ABCA6: variants seen among roughly 807,000 people sequenced by gnomAD.
ABCA6 encodes the protein ATP binding cassette subfamily A member 6.
In ABCA6, 164 loss-of-function variants were observed where a neutral mutation model predicts 191.2. That is an observed-to-expected ratio of 0.86 (90% CI 0.76 to 0.98). ABCA6 has a LOEUF of 0.98. ABCA6 is among the 50% of genes least tolerant of loss of function. The probability of loss-of-function intolerance (pLI) is 0.00; values close to 1 mark genes in which losing one functional copy is unlikely to be tolerated. For missense variants in ABCA6, 1,958 were observed against 1,894.1 expected (o/e 1.03, Z -0.63); for synonymous variants, 636 against 647.7 (o/e 0.98, Z 0.27).
chr17:69,133,657 G>A lies in ABCA6; in HGVS notation c.775C>T (p.Gln259Ter), dbSNP rs754745012. The A allele has an allele frequency of 6.3e-7, 1 of 1,594,868 alleles. No homozygotes were observed. Among genetic ancestry groups the A allele is most frequent in the Non-Finnish European group, 8.6e-7 (1 of 1,166,850 alleles). Residue 259 changes from glutamine (Q) to a stop codon, truncating the protein, a stop_gained, in exon 6 of 39, where the codon CAA becomes TAA. Coordinates refer to ENST00000284425, the MANE Select transcript of ABCA6 (RefSeq NM_080284.3). LOFTEE classifies it high-confidence loss of function. ...GTCACTCACCAGAATGCTGAATCTT[G>A]GAGACCCATCATTTTCATCAAATTC... is the stretch of plus-strand genomic sequence containing the variant. ...SKNLMKMMGL[Q>*]DSAFWLSWGL... is the part of the protein sequence containing the mutation.
chr17:69,112,201 C>A lies in ABCA6; in HGVS notation c.2114G>T (p.Gly705Val). ...TCTTTACCTTAGGTGATATCCAAGA[C>A]CCCACCTTCTTTTCAAAAACATAGA... The part of the protein sequence containing the change: ...GSSMFLKRRW[G>V]LGYHLSLHRN... Residue 705 changes from glycine (G) to valine (V), a missense_variant, in exon 16 of 39, where the codon GGT (glycine) becomes GTT (valine). Coordinates refer to ENST00000284425, the MANE Select transcript of ABCA6 (RefSeq NM_080284.3). 1 of 1,611,488 alleles carries A rather than the reference C, an allele frequency of 6.2e-7. No homozygotes were observed. Among genetic ancestry groups the A allele is most frequent in the Non-Finnish European group, 8.5e-7 (1 of 1,178,106 alleles).
intron 8 of ABCA6, among the ~76,000 whole-genome samples, chr17:69,127,762 T>C (rs913440849): frequency 1.3e-5 from 2 of 151,608 alleles, no homozygotes; most frequent in Non-Finnish European, 2.9e-5. Context: ...ACTATTCTGT[T>C]TGTTATATTA....
chr17:69,136,764 T>C (rs1295392770), intron 3 of ABCA6, among the ~76,000 whole-genome samples: 5 of 152,148 alleles, frequency 3.3e-5, no homozygotes, highest in Admixed American at 1.3e-4. Flanking sequence ...GAATGAAATA[T>C]GCATTTTGCT....
intron 25 of ABCA6, 118 bp downstream of exon 25, chr17:69,096,122 G>T: frequency 2.4e-6 from 1 of 408,922 alleles, no homozygotes; most frequent in South Asian, 1.0e-4. Context: ...CTTTTCTATG[G>T]TGTAATTTTG....
chr17:69,124,992 T>C lies in ABCA6; in HGVS notation c.1163A>G (p.Asp388Gly). The C allele has an allele frequency of 6.7e-7, 1 of 1,502,840 alleles. No individual in the cohort carries two copies. The highest frequency in any genetic ancestry group is 1.4e-5 in the South Asian group (1 of 70,952). 93.1% of individuals were successfully genotyped at this position (1,502,840 alleles called of 1,614,324 possible). ...DYNLNGVIFP[D>G]PSGDSYTMIA... ...CATTGTATATGAGTCTCCTGAAGGGTCAGGAAAAATTACACCATTCAAGTT... is the reference window on the plus strand; with the variant it reads ...CATTGTATATGAGTCTCCTGAAGGGCCAGGAAAAATTACACCATTCAAGTT... The change falls in exon 9 of 39, where the codon GAC becomes GGC. Residue 388 changes from aspartate (D) to glycine (G), a missense_variant. By Grantham distance (94) the Asp-to-Gly change is moderately conservative (BLOSUM62 -1). Transcript: ENST00000284425.
chr17:69,085,853 C>T (rs1334069434), intron 30 of ABCA6, 137 bp from the exon 31 acceptor site: 1 of 613,146 alleles, frequency 1.6e-6, no homozygotes, highest in Non-Finnish European at 2.9e-6. Context: ...ATATGTAATC[C>T]ACGTCACCAA....
Position 69,096,701 on chromosome 17 carries a change from A to C in ABCA6, c.3221T>G (p.Leu1074Arg), listed in dbSNP as rs866048866. 7 of 1,589,728 alleles carry C rather than the reference A, an allele frequency of 4.4e-6. No individual in the cohort carries two copies. In the Middle Eastern group the frequency reaches 1.0e-3, roughly 228 times the overall value. ...VDVSFFILIL[L>R]LMYLIFYIEN... ...TATGTAGAAAATTAAATACATTAAA[A>C]GGAGAATTAAAATGAAGAAGCTGAC... is the stretch of plus-strand genomic sequence containing the variant. The change falls in exon 24 of 39, where the codon CTT becomes CGT. Residue 1074 changes from leucine (L) to arginine (R), a missense_variant. Leu to Arg is a moderately radical substitution (Grantham distance 102). Transcript: ENST00000284425.
chr17:69,088,110 C>T (rs1217218316), intron 28 of ABCA6, 57 bp downstream of exon 28: 1 of 1,389,332 alleles, frequency 7.2e-7, no homozygotes, highest in African/African-American at 1.5e-5. Context: ...ATAGCACAGA[C>T]ACCATCTAGG....
At chr17:69,114,618 T>C in intron 13 of ABCA6, 144 bp downstream of exon 13, 1 of 736,830 alleles carries the variant, frequency 1.4e-6, no homozygotes, top group Non-Finnish European at 2.2e-6. Flanking sequence ...AACCACTCAT[T>C]AAAGCAGTCG....
chr17:69,104,929 A>C (rs993841238), intron 20 of ABCA6: 2 of 153,664 alleles, frequency 1.3e-5, no homozygotes, highest in African/African-American at 4.8e-5. Flanking sequence ...GCATTGAACC[A>C]AGATCACACC....
intron 29 of ABCA6, 128 bp downstream of exon 29, chr17:69,087,225 T>C (rs1185420909): frequency 8.3e-7 from 1 of 1,204,982 alleles, no homozygotes; most frequent in African/African-American, 1.5e-5. Flanking sequence ...CTTTGGAGTG[T>C]CCTGGACGCA....
chr17:69,136,393 G>T, intron 3 of ABCA6, 143 bp from the exon 4 acceptor site: 2 of 643,434 alleles, frequency 3.1e-6, no homozygotes, highest in Non-Finnish European at 4.8e-6. Flanking sequence ...TAACCCAAAT[G>T]CAAGGGGGGA....
At chr17:69,124,461 G>A (rs2073712225) in intron 9 of ABCA6, among the ~76,000 whole-genome samples, 1 of 151,864 alleles carries the variant, frequency 6.6e-6, no homozygotes, top group Admixed American at 6.6e-5. Flanking sequence ...AAAACATTTT[G>A]AGAATGATGC....
In ABCA6 at chr17:69,127,853, C is replaced by G. The variant is rs567290306; in HGVS notation, c.1119+766G>C. On this transcript the variant is annotated intron_variant, in intron 8 of 38. Coordinates refer to ENST00000284425, the MANE Select transcript of ABCA6 (RefSeq NM_080284.3). ...TTGTAGCAGCTTTATTAAAAATGCTCAAAAACTAAAAATTATCATAATCTA... is the reference window on the plus strand; with the variant it reads ...TTGTAGCAGCTTTATTAAAAATGCTGAAAAACTAAAAATTATCATAATCTA... Among the ~76,000 whole-genome samples the G allele has an allele frequency of 2.6e-5, 4 of 151,992 alleles. No individual in the cohort carries two copies. The East Asian group carries it at 7.7e-4, about 29-fold the overall frequency.
rs562159949 is a variant in ABCA6 at position 69,096,932 on chromosome 17, T to G, written c.3121-131A>C. The G allele has an allele frequency of 2.9e-5, 21 of 729,932 alleles. No individual in the cohort carries two copies. The East Asian group carries it at 6.8e-4, about 24-fold the overall frequency. 45.2% of individuals were successfully genotyped at this position (729,932 alleles called of 1,614,324 possible). A position where few individuals can be genotyped will look rare whatever the true frequency, so the allele number is the denominator to read the frequency against. On this transcript the variant is annotated intron_variant, in intron 23 of 38. Coordinates refer to ENST00000284425, the MANE Select transcript of ABCA6 (RefSeq NM_080284.3). Reference sequence around the variant, plus strand: ...CTAATCTTCTAATATTAAAAAAAATTATGCATATACTGCTTAGTAACATGA... The same window carrying G: ...CTAATCTTCTAATATTAAAAAAAATGATGCATATACTGCTTAGTAACATGA...
intron 22 of ABCA6, chr17:69,099,718 G>A (rs935154182): frequency 1.9e-5 from 3 of 154,060 alleles, no homozygotes; most frequent in Admixed American, 6.5e-5. Context: ...CCCTTCCCTC[G>A]AGTCATCCTG....
Position 69,137,467 on chromosome 17 carries a change from T to TA in ABCA6, c.129dup (p.Ile44TyrfsTer26), listed in dbSNP as rs1433400973. 1 of 1,613,596 alleles carries TA rather than the reference T, an allele frequency of 6.2e-7. No homozygotes were observed. Among genetic ancestry groups the TA allele is most frequent in the Non-Finnish European group, 8.5e-7 (1 of 1,179,714 alleles). On this transcript the variant is annotated frameshift_variant, in exon 3 of 39. Transcript: ENST00000284425. LOFTEE classifies it high-confidence loss of function. ...CTCATGGAACTGGAAAACAGAGCAATACACAGTCCTAGAAGTATTGAGAGG... is the reference window on the plus strand; with the variant it reads ...CTCATGGAACTGGAAAACAGAGCAATAACACAGTCCTAGAAGTATTGAGAGG...
chr17:69,079,902 TA>T, intron 37 of ABCA6, among the ~76,000 whole-genome samples: 1 of 152,164 alleles, frequency 6.6e-6, no homozygotes, highest in Admixed American at 6.5e-5. Flanking sequence ...ATAGTGGCTT[TA>T]AAGAAAAATA....
At chr17:69,094,346 T>C (rs1240264101) in intron 25 of ABCA6, 2 of 152,326 alleles carry the variant, frequency 1.3e-5, no homozygotes, top group Admixed American at 1.3e-4. Flanking sequence ...AAAGTTCCTC[T>C]CACTGGACTC....
Sources: gnomAD v4.1 joint callset for allele counts (sites outside exome capture counted in the v4.1 genomes callset) on GRCh38, gnomAD v4.1.1 for gene constraint, MANE v1.5 for transcripts, NCBI Gene and HGNC (gene_info 2026-07-23, HGNC 2026-07-21) for gene names.